Variants in WDR49 observed in about 807,000 individuals in gnomAD.
The protein encoded by WDR49 is WD repeat domain 49, also known as cilia- and flagella-associated protein 337.
Under a neutral mutation model 119.5 loss-of-function variants are expected in WDR49, and 107 were observed. The ratio of observed to expected loss-of-function variants is 0.90; its 90% CI spans 0.77 to 1.05. The LOEUF is 1.05. WDR49 is among the 50% of genes least tolerant of loss of function. The pLI, the probability that WDR49 is intolerant of heterozygous loss-of-function variation, is 0.00. For synonymous variants in WDR49, 425 were observed against 418.8 expected (o/e 1.01, Z -0.18); for missense variants, 1,240 against 1,220.5 (o/e 1.02, Z -0.24).
chr3:167,576,959 G>A (rs1199549335), intron 7 of WDR49, among the ~76,000 whole-genome samples: 1 of 152,000 alleles, frequency 6.6e-6, no homozygotes, highest in African/African-American at 2.4e-5. Flanking sequence ...ATGTATGTAT[G>A]TGTATATATG....
At position 167,529,112 on chromosome 3, in the gene WDR49, C is replaced by T; in HGVS notation, c.2346G>A (p.Lys782=). ...CTCCTGTGGTAAGGTATCGATTCAT[C>T]TTATCAGTAGACATAATAATCGATC... ...GVGSIIMSTD[K]MNRYLTTGDL... The change falls in exon 14 of 19, where the codon AAG becomes AAA. Residue 782 remains lysine, a synonymous_variant. Coordinates refer to ENST00000682715, the MANE Select transcript of WDR49 (RefSeq NM_001366157.1). The T allele has an allele frequency of 6.2e-7, 1 of 1,609,726 alleles. No individual in the cohort carries two copies. The highest frequency in any genetic ancestry group is 8.5e-7 in the Non-Finnish European group (1 of 1,178,608).
intron 7 of WDR49, 35 bp downstream of exon 7, chr3:167,602,091 CA>C: frequency 6.5e-7 from 1 of 1,543,504 alleles, no homozygotes; most frequent in African/African-American, 1.4e-5. Flanking sequence ...ATCGGGGAAG[CA>C]AAACTAAATT....
At chr3:167,563,190 T>C (rs1713373640) in intron 8 of WDR49, among the ~76,000 whole-genome samples, 1 of 151,772 alleles carries the variant, frequency 6.6e-6, no homozygotes, top group Non-Finnish European at 1.5e-5. Flanking sequence ...CCGTCTCTAC[T>C]AAAAATACAA....
intron 8 of WDR49, among the ~76,000 whole-genome samples, chr3:167,562,390 T>G (rs1713319917): frequency 6.6e-6 from 1 of 152,164 alleles, no homozygotes; most frequent in Non-Finnish European, 1.5e-5. Flanking sequence ...TAGCAACATG[T>G]GTATCTCAAC....
intron 16 of WDR49, among the ~76,000 whole-genome samples, chr3:167,516,809 T>C (rs548367752): frequency 1.2e-3 from 185 of 152,130 alleles, no homozygotes; most frequent in African/African-American, 4.2e-3. Flanking sequence ...ATTTTTGCAA[T>C]CTACTAATCT....
At chr3:167,566,124 G>A (rs1713582922) in intron 8 of WDR49, among the ~76,000 whole-genome samples, 1 of 152,208 alleles carries the variant, frequency 6.6e-6, no homozygotes, top group Admixed American at 6.5e-5. Context: ...GAAAGAGGCT[G>A]AGGAAATGGT....
chr3:167,519,785 G>C (rs988976833), intron 16 of WDR49, among the ~76,000 whole-genome samples: 1 of 152,018 alleles, frequency 6.6e-6, no homozygotes, highest in Non-Finnish European at 1.5e-5. Flanking sequence ...ATGTACCCCA[G>C]AAATTAAAAT....
At chr3:167,574,536 T>C in intron 8 of WDR49, among the ~76,000 whole-genome samples, 1 of 152,192 alleles carries the variant, frequency 6.6e-6, no homozygotes, top group Admixed American at 6.5e-5. Flanking sequence ...AGTAGAGGTG[T>C]AAATACTCAA....
At chr3:167,570,830 G>A (rs1360836803) in intron 8 of WDR49, among the ~76,000 whole-genome samples, 2 of 152,138 alleles carry the variant, frequency 1.3e-5, no homozygotes, top group Non-Finnish European at 2.9e-5. Context: ...GAGGTCAGGA[G>A]TTCGAGACCA....
At chr3:167,521,983 TA>T (rs1355999746) in intron 16 of WDR49, among the ~76,000 whole-genome samples, 1 of 130,862 alleles carries the variant, frequency 7.6e-6, no homozygotes, top group African/African-American at 2.8e-5. Flanking sequence ...GATAGATAGA[TA>T]GATAGATAGA....
At chr3:167,631,597 T>C (rs1717376821) in intron 2 of WDR49, among the ~76,000 whole-genome samples, 1 of 152,150 alleles carries the variant, frequency 6.6e-6, no homozygotes, top group Non-Finnish European at 1.5e-5. Context: ...GTTGATGGGC[T>C]GTTTAGTTCA....
intron 5 of WDR49, among the ~76,000 whole-genome samples, chr3:167,619,006 T>C (rs1391582002): frequency 1.3e-5 from 2 of 152,146 alleles, no homozygotes; most frequent in African/African-American, 2.4e-5. Context: ...TATATAGATA[T>C]AATGCATCAT....
At chr3:167,584,616 T>C (rs1560298118) in intron 7 of WDR49, among the ~76,000 whole-genome samples, 1 of 152,116 alleles carries the variant, frequency 6.6e-6, no homozygotes, top group Admixed American at 6.6e-5. Context: ...GAATAAAGCA[T>C]ATACAAACAA....
chr3:167,568,019 T>C (rs1355283280), intron 8 of WDR49, among the ~76,000 whole-genome samples: 1 of 152,230 alleles, frequency 6.6e-6, no homozygotes, highest in Admixed American at 6.5e-5. Flanking sequence ...TGGCTGCATT[T>C]GCACAAAATA....
At chr3:167,609,395 G>A (rs1450148549) in intron 5 of WDR49, among the ~76,000 whole-genome samples, 1 of 152,142 alleles carries the variant, frequency 6.6e-6, no homozygotes, top group Non-Finnish European at 1.5e-5. Flanking sequence ...AACTGGGGGA[G>A]AGAGAGCAGA....
At chr3:167,488,704 C>G (rs1001915225) in intron 18 of WDR49, among the ~76,000 whole-genome samples, 12 of 152,040 alleles carry the variant, frequency 7.9e-5, no homozygotes, top group Admixed American at 2.6e-4. Flanking sequence ...CAGCCAGTGT[C>G]TAGATGAATC....
intron 8 of WDR49, among the ~76,000 whole-genome samples, chr3:167,568,521 T>C (rs62278313): frequency 0.011 from 1,744 of 152,316 alleles, 19 homozygotes; most frequent in Non-Finnish European, 0.017. Flanking sequence ...GGCAGTGGTT[T>C]CATTAATTTC....
chr3:167,652,114 T>C (rs1195951447), intron 2 of WDR49, among the ~76,000 whole-genome samples: 1 of 152,194 alleles, frequency 6.6e-6, no homozygotes, highest in Non-Finnish European at 1.5e-5. Context: ...CAGTGAAATC[T>C]TTCAGACAAA....
intron 7 of WDR49, among the ~76,000 whole-genome samples, chr3:167,586,227 G>T (rs965239008): frequency 6.6e-6 from 1 of 151,560 alleles, no homozygotes; most frequent in African/African-American, 2.4e-5. Context: ...GCTGAATTAG[G>T]CCCACAGGCT....
Sources: allele counts gnomAD v4.1 joint callset (sites outside exome capture counted in the v4.1 genomes callset), GRCh38; gene constraint gnomAD v4.1.1; transcripts MANE v1.5; gene names NCBI Gene and HGNC (gene_info 2026-07-23, HGNC 2026-07-21).